Variants in DMD observed in about 807,000 individuals in gnomAD.
DMD encodes dystrophin, also known as mutant dystrophin.
In DMD, 63 loss-of-function variants were observed where a neutral mutation model predicts 330.1. That is an observed-to-expected ratio of 0.19 (90% CI 0.16 to 0.24). The LOEUF (loss-of-function observed/expected upper bound fraction) is 0.24, where lower values mean the gene tolerates loss of function less well. Ranked by LOEUF, DMD falls within the 10% of genes least tolerant of loss-of-function variation. The pLI, the probability that DMD is intolerant of heterozygous loss-of-function variation, is 1.00. For synonymous variants in DMD, 1,223 were observed against 959.8 expected, an observed-to-expected ratio of 1.27 and a Z score of -5.07; for missense variants, 3,344 against 2,684.1, an observed-to-expected ratio of 1.25 and a Z score of -5.43.
intron 5 of DMD, among the ~76,000 whole-genome samples, chrX:32,822,483 T>C (rs758131919): frequency 3.1e-4 from 34 of 110,558 alleles, no homozygotes; most frequent in African/African-American, 1.1e-3. Context: ...TGATTATGTA[T>C]ACATATTATG....
chrX:31,801,580 T>TTC (rs1491506445), intron 50 of DMD, among the ~76,000 whole-genome samples: 1 of 64,660 alleles, frequency 1.5e-5, no homozygotes, highest in Non-Finnish European at 3.0e-5. Context: ...AGTGTCCTCA[T>TTC]CCCCCCCCCC....
chrX:33,292,283 A>C (rs928930065), intron 1 of DMD, among the ~76,000 whole-genome samples: 36 of 111,613 alleles, frequency 3.2e-4, no homozygotes, highest in African/African-American at 1.1e-3. Flanking sequence ...GGAACCTCAA[A>C]ACTATTTTAA....
chrX:32,816,593 G>A lies in DMD; in HGVS notation c.405C>T (p.Asn135=), dbSNP rs2148807361. Residue 135 remains asparagine (N), a synonymous_variant, in exon 6 of 79, where the codon AAC becomes AAT. Coordinates refer to ENST00000357033, the MANE Select transcript of DMD (RefSeq NM_004006.3). ...CCCAGCTCAGGAGAATCTTTTCACTGTTGGTTTGTTGCAATCCAGCCATGA... is the reference window on the plus strand; with the variant it reads ...CCCAGCTCAGGAGAATCTTTTCACTATTGGTTTGTTGCAATCCAGCCATGA... ...KNIMAGLQQT[N]SEKILLSWVR... The A allele has an allele frequency of 2.5e-6, 3 of 1,211,317 alleles. No homozygotes were observed. The highest frequency in any genetic ancestry group is 3.4e-6 in the Non-Finnish European group (3 of 895,224).
At chrX:32,962,130 T>C (rs1386807996) in intron 2 of DMD, among the ~76,000 whole-genome samples, 3 of 111,790 alleles carry the variant, frequency 2.7e-5, no homozygotes, top group Non-Finnish European at 1.9e-5. Context: ...TGCAAAGATC[T>C]GAATAGAGAA....
chrX:32,188,801 A>G (rs913283259), intron 44 of DMD, among the ~76,000 whole-genome samples: 3 of 110,726 alleles, frequency 2.7e-5, no homozygotes, highest in African/African-American at 9.8e-5. Flanking sequence ...TTTCCTTTGA[A>G]ATTATATTGC....
intron 55 of DMD, among the ~76,000 whole-genome samples, chrX:31,581,811 T>C (rs938947803): frequency 6.2e-5 from 7 of 112,154 alleles, no homozygotes; most frequent in Admixed American, 9.5e-5. Context: ...AAATCAAGTA[T>C]AGTAAAATTT....
At chrX:32,019,592 T>C (rs1162642330) in intron 44 of DMD, among the ~76,000 whole-genome samples, 2 of 111,059 alleles carry the variant, frequency 1.8e-5, no homozygotes, top group African/African-American at 6.5e-5. Context: ...TGATTATACT[T>C]TTATTCGTAT....
At chrX:31,430,968 A>G (rs1424590298) in intron 60 of DMD, among the ~76,000 whole-genome samples, 1 of 107,762 alleles carries the variant, frequency 9.3e-6, no homozygotes, top group African/African-American at 3.4e-5. Context: ...ATGCCCGGCT[A>G]ATGTTTTGTA....
In DMD at chrX:31,877,667, TTG is replaced by T. The variant is rs10670657; in HGVS notation, c.6913-2296_6913-2295del. The stretch of plus-strand genomic sequence containing the variant: ...TAACTACACCTGTGGTGCTGAACTC[TTG>T]TGTGTGTGTGTGTGTGTGTGTGTGT... On this transcript the variant is annotated intron_variant, in intron 47 of 78. Transcript: ENST00000357033. Among the ~76,000 whole-genome samples the T allele has an allele frequency of 7.4e-3, 759 of 102,309 alleles. 5 individuals are homozygous for T. Among genetic ancestry groups the T allele is most frequent in the East Asian group, 0.017 (53 of 3,175 alleles). The allele number at this position is 102,309 out of a possible 115,157, so 88.8% of individuals were successfully genotyped here. A position where few individuals can be genotyped will look rare whatever the true frequency, so the allele number is the denominator to read the frequency against.
intron 49 of DMD, among the ~76,000 whole-genome samples, chrX:31,822,652 GGGTGTGTGTGTGTGT>G (rs1385644517): frequency 2.3e-4 from 16 of 68,415 alleles, no homozygotes; most frequent in Non-Finnish European, 3.8e-4. Flanking sequence ...AAAGGCAGAG[GGGTGTGTGTGTGTGT>G]GTGTGTGTGT....
chrX:33,252,104 A>G (rs2052780746), intron 1 of DMD, among the ~76,000 whole-genome samples: 1 of 112,313 alleles, frequency 8.9e-6, no homozygotes, highest in East Asian at 2.8e-4. Flanking sequence ...GGAAATAAAT[A>G]TCTTGAAGAT....
chrX:31,402,771 A>G (rs189203329), intron 60 of DMD, among the ~76,000 whole-genome samples: 26 of 112,272 alleles, frequency 2.3e-4, no homozygotes, highest in Middle Eastern at 4.6e-3. Flanking sequence ...ACTAGTGTCC[A>G]TTATCAAATG....
intron 60 of DMD, among the ~76,000 whole-genome samples, chrX:31,416,243 A>T (rs369297912): frequency 8.9e-5 from 10 of 112,082 alleles, no homozygotes; most frequent in African/African-American, 2.9e-4. Flanking sequence ...ATCTCTGTGA[A>T]CCTTGGAGGA....
chrX:31,534,988 G>C, intron 55 of DMD, among the ~76,000 whole-genome samples: 1 of 72,391 alleles, frequency 1.4e-5, no homozygotes, highest in Non-Finnish European at 2.5e-5. Flanking sequence ...AAATAAAAGA[G>C]GACACAAACA....
intron 16 of DMD, among the ~76,000 whole-genome samples, chrX:32,562,726 A>G (rs944745175): frequency 2.7e-5 from 3 of 112,153 alleles, no homozygotes; most frequent in African/African-American, 9.7e-5. Context: ...ATTTTAATCA[A>G]GGTCAATTTA....
At chrX:32,819,675 A>G (rs897906222) in intron 5 of DMD, among the ~76,000 whole-genome samples, 13 of 110,721 alleles carry the variant, frequency 1.2e-4, no homozygotes, top group Non-Finnish European at 7.5e-5. Flanking sequence ...TGGCACTATT[A>G]ATAACATAGT....
intron 53 of DMD, among the ~76,000 whole-genome samples, chrX:31,669,816 T>C (rs1303406050): frequency 9.5e-6 from 1 of 105,600 alleles, no homozygotes; most frequent in East Asian, 2.9e-4. Flanking sequence ...TCAATAGAAA[T>C]GGTAGGATCC....
intron 74 of DMD, among the ~76,000 whole-genome samples, chrX:31,161,943 A>G (rs747283034): frequency 1.8e-5 from 2 of 110,759 alleles, no homozygotes; most frequent in East Asian, 5.7e-4. Context: ...CTGGTCCACC[A>G]GTCTGGAAAA....
chrX:32,518,243 T>A, intron 17 of DMD, 112 bp from the exon 18 acceptor site: 1 of 762,986 alleles, frequency 1.3e-6, no homozygotes, highest in Non-Finnish European at 2.0e-6. Flanking sequence ...GACTCCTGCC[T>A]GACACCTCTA....
Sources: allele counts gnomAD v4.1 joint callset (sites outside exome capture counted in the v4.1 genomes callset), GRCh38; gene constraint gnomAD v4.1.1; transcripts MANE v1.5; gene names NCBI Gene and HGNC (gene_info 2026-07-23, HGNC 2026-07-21).